Variants in DYRK4 observed in about 807,000 individuals in gnomAD.
The protein encoded by DYRK4 is dual specificity tyrosine phosphorylation regulated kinase 4.
A neutral mutation model predicts 68.3 loss-of-function variants in DYRK4; 64 were observed. The observed-to-expected ratio is 0.94, with a 90% CI of 0.77 to 1.15. The LOEUF is 1.15. Among genes scored for constraint, DYRK4 ranks in the 50% most tolerant of loss-of-function variants. DYRK4 has a pLI of 0.00. For missense variants in DYRK4, 740 were observed against 764.7 expected, an observed-to-expected ratio of 0.97 and a Z score of 0.38; for synonymous variants, 274 against 289.9, an observed-to-expected ratio of 0.95 and a Z score of 0.56.
chr12:4,563,193 A>C, intron 1 of DYRK4: 1 of 454,484 alleles, frequency 2.2e-6, no homozygotes, highest in South Asian at 1.6e-5. Flanking sequence ...AAAACCTAGG[A>C]GTTCGAAGAA....
intron 2 of DYRK4, among the ~76,000 whole-genome samples, chr12:4,578,679 GTTGTC>G (rs2137337404): frequency 1.3e-5 from 2 of 152,290 alleles, no homozygotes; most frequent in South Asian, 4.1e-4. Flanking sequence ...ACAGCACCTT[GTTGTC>G]TTGTATCTTT....
At chr12:4,568,076 A>AAG (rs1944694306) in intron 2 of DYRK4, 28 bp downstream of exon 2, 1 of 1,529,304 alleles carries the variant, frequency 6.5e-7, no homozygotes, top group Non-Finnish European at 8.8e-7. Context: ...TTCACTGGGG[A>AAG]AGAGAGGTAT....
intron 10 of DYRK4, chr12:4,602,501 G>A (rs902175836): frequency 2.3e-6 from 3 of 1,311,556 alleles, no homozygotes; most frequent in Non-Finnish European, 3.3e-6. Flanking sequence ...GCTTGGACAA[G>A]TCTTGCGGTT....
At chr12:4,592,837 G>A in intron 5 of DYRK4, 165 bp from the exon 6 acceptor site, 1 of 683,904 alleles carries the variant, frequency 1.5e-6, no homozygotes, top group Non-Finnish European at 2.4e-6. Flanking sequence ...ATTTATTCTT[G>A]TCATACTTCC....
At chr12:4,604,459 C>T (rs1283819476) in intron 10 of DYRK4, among the ~76,000 whole-genome samples, 1 of 152,196 alleles carries the variant, frequency 6.6e-6, no homozygotes, top group Non-Finnish European at 1.5e-5. Flanking sequence ...TCTTTCTATA[C>T]AATAAGTGCA....
chr12:4,596,551 C>T (rs1323203908), intron 7 of DYRK4, 38 bp from the exon 8 acceptor site: 1 of 1,603,330 alleles, frequency 6.2e-7, no homozygotes, highest in Non-Finnish European at 8.5e-7. Flanking sequence ...GTTTCTATCC[C>T]CATTTCCCAC....
Position 4,572,072 on chromosome 12 carries a change from A to G in DYRK4, c.132+4024A>G, listed in dbSNP as rs1466565756. Among the ~76,000 whole-genome samples, 4 of 152,202 alleles carry G rather than the reference A, an allele frequency of 2.6e-5. No homozygotes were observed. In the East Asian group the frequency reaches 7.7e-4, roughly 29 times the overall value. ...CAGTGGAGAACAAAACAGGCCGTAA[A>G]ACTCTCATAAAGCTTAAAATTGGGA... On this transcript the variant is annotated intron_variant, in intron 2 of 14. Coordinates refer to ENST00000543431, the MANE Select transcript of DYRK4 (RefSeq NM_001394779.1).
Position 4,593,028 on chromosome 12 carries a change from C to G in DYRK4, c.490C>G (p.Leu164Val). ...GGCCCTAAAGCTTTTTAAGAACCAG[C>G]TGTCTCCATATGAACAAAGTGAAAT... ...AEALKLFKNQ[L>V]SPYEQSEILG... is the part of the protein sequence containing the mutation. Residue 164 changes from leucine to valine, a missense_variant, in exon 6 of 15, where the codon CTG becomes GTG. By Grantham distance (32) the Leu-to-Val change is conservative. Around this residue, in one of 3 missense-constraint regions of DYRK4, gnomAD observed 614 missense variants for 603.7 expected, o/e 1.02. Coordinates refer to ENST00000543431, the MANE Select transcript of DYRK4 (RefSeq NM_001394779.1). The G allele has an allele frequency of 6.2e-7, 1 of 1,614,090 alleles. No homozygotes were observed. The highest frequency in any genetic ancestry group is 1.1e-5 in the South Asian group (1 of 91,072).
At chr12:4,564,984 A>G (rs865867985) in intron 1 of DYRK4, among the ~76,000 whole-genome samples, 16 of 152,202 alleles carry the variant, frequency 1.1e-4, no homozygotes, top group Non-Finnish European at 5.9e-5. Context: ...GAGGAAAGAG[A>G]GGAAGGGGAA....
chr12:4,581,234 A>C (rs1036448283), intron 2 of DYRK4, among the ~76,000 whole-genome samples: 6 of 152,154 alleles, frequency 3.9e-5, no homozygotes, highest in Non-Finnish European at 7.4e-5. Context: ...ACCTAGGGAC[A>C]AGACACTGAA....
intron 7 of DYRK4, 150 bp downstream of exon 7, chr12:4,596,435 G>A (rs1311599811): frequency 4.0e-6 from 6 of 1,503,124 alleles, no homozygotes; most frequent in Non-Finnish European, 5.3e-6. Flanking sequence ...CCATGAGGGG[G>A]CAAAGAGGAG....
chr12:4,609,465 T>C (rs1282512301), intron 12 of DYRK4, among the ~76,000 whole-genome samples: 2 of 152,172 alleles, frequency 1.3e-5, no homozygotes, highest in Admixed American at 1.3e-4. Flanking sequence ...TTTCCCAGGT[T>C]TGGGCTGCCA....
chr12:4,572,435 C>A lies in DYRK4; in HGVS notation c.132+4387C>A, dbSNP rs1015980508. ...TAGCTGGGACTACAGGCGCCCGCCA[C>A]CACACCTGGCTAATTTTTGTTGTTG... On this transcript the variant is annotated intron_variant, in intron 2 of 14. Transcript: ENST00000543431. 3.3e-5 allele frequency among the ~76,000 whole-genome samples: 5 copies of A among 152,220 alleles called. No individual in the cohort carries two copies. In the East Asian group the frequency reaches 5.8e-4, roughly 18 times the overall value.
chr12:4,582,038 T>C (rs1472821581), intron 2 of DYRK4, among the ~76,000 whole-genome samples: 1 of 152,232 alleles, frequency 6.6e-6, no homozygotes, highest in Non-Finnish European at 1.5e-5. Flanking sequence ...ACAAAGTTTG[T>C]GCACGTGAGT....
chr12:4,590,342 A>C lies in DYRK4; in HGVS notation c.226A>C (p.Thr76Pro), dbSNP rs1260615847. Residue 76 changes from threonine (T) to proline (P), a missense_variant, in exon 4 of 15, where the codon ACT becomes CCT. Coordinates refer to ENST00000543431, the MANE Select transcript of DYRK4 (RefSeq NM_001394779.1). Reference sequence around the variant, plus strand: ...TCTCCTTCTACAGAACACCAGTGTTACTTCACTCCCCTTTGTGGACACCAA... The same window carrying C: ...TCTCCTTCTACAGAACACCAGTGTTCCTTCACTCCCCTTTGTGGACACCAA... ...TQVFHKNTSV[T>P]SLPFVDTKGK... 1 of 1,535,210 alleles carries C rather than the reference A, an allele frequency of 6.5e-7. No individual in the cohort carries two copies. The highest frequency in any genetic ancestry group is 8.7e-7 in the Non-Finnish European group (1 of 1,146,578).
intron 2 of DYRK4, among the ~76,000 whole-genome samples, chr12:4,587,291 C>T (rs759785887): frequency 3.7e-4 from 57 of 152,140 alleles, no homozygotes; most frequent in Non-Finnish European, 1.3e-4. Context: ...GCTCTCTACC[C>T]GTCCTCTCGG....
Position 4,605,028 on chromosome 12 carries a change from C to T in DYRK4, c.1241C>T (p.Thr414Met). The change falls in exon 11 of 15, where the codon ACG becomes ATG. Residue 414 changes from threonine to methionine, a missense_variant. Transcript: ENST00000543431. The part of the protein sequence containing the change: ...SLGCITAELY[T>M]GYPLFPGENE... ...GGCTGCATCACGGCGGAGTTGTACA[C>T]GGGCTACCCCCTGTTCCCCGGGGAG... The T allele has an allele frequency of 1.9e-6, 3 of 1,614,024 alleles. No individual in the cohort carries two copies. The highest frequency in any genetic ancestry group is 2.2e-5 in the South Asian group (2 of 91,060).
rs766359002 is a variant in DYRK4 at position 4,605,038 on chromosome 12, C to A, written c.1251C>A (p.Pro417=). 6.2e-7 allele frequency: 1 copy of A among 1,614,000 alleles called. No homozygotes were observed. Among genetic ancestry groups the A allele is most frequent in the Non-Finnish European group, 8.5e-7 (1 of 1,179,978 alleles). ...CGGCGGAGTTGTACACGGGCTACCC[C>A]CTGTTCCCCGGGGAGAATGAGGTGG... ...CITAELYTGY[P]LFPGENEVEQ... Residue 417 remains proline (P), a synonymous_variant, in exon 11 of 15, where the codon CCC becomes CCA. Coordinates refer to ENST00000543431, the MANE Select transcript of DYRK4 (RefSeq NM_001394779.1).
intron 2 of DYRK4, among the ~76,000 whole-genome samples, chr12:4,576,327 C>G (rs1024933083): frequency 1.3e-5 from 2 of 152,176 alleles, no homozygotes; most frequent in Non-Finnish European, 2.9e-5. Context: ...TCCTCCATGT[C>G]TTTTCATGGC....
Sources: gnomAD v4.1 joint callset for allele counts (sites outside exome capture counted in the v4.1 genomes callset) on GRCh38, gnomAD v4.1.1 for gene constraint, gnomAD v4.1.1 regional missense constraint, MANE v1.5 for transcripts, NCBI Gene and HGNC (gene_info 2026-07-23, HGNC 2026-07-21) for gene names.